Variants in SH3BGRL2 observed in about 807,000 individuals in gnomAD.
The protein encoded by SH3BGRL2 is SH3 domain binding glutamate rich protein like 2, also known as SH3 domain-binding glutamic acid-rich-like protein 2.
In SH3BGRL2, 21 loss-of-function variants were observed where a neutral mutation model predicts 14.8. That is an observed-to-expected ratio of 1.42 (90% CI 1.01 to 2.05). SH3BGRL2 has a LOEUF of 2.05. Ranked by LOEUF, SH3BGRL2 falls within the 30% of genes most tolerant of loss-of-function variation. SH3BGRL2 has a pLI of 0.00. For synonymous variants in SH3BGRL2, 50 were observed against 47.8 expected (o/e 1.05, Z -0.19); for missense variants, 147 against 130.8 (o/e 1.12, Z -0.61).
At chr6:79,571,251 C>T in the SH3BGRL2 span, among the ~76,000 whole-genome samples, 1 of 152,302 alleles carries the variant, frequency 6.6e-6, no homozygotes, top group African/African-American at 2.4e-5. Context: ...ATGAACGTCT[C>T]TCCTTTCTCC....
intron 2 of SH3BGRL2, among the ~76,000 whole-genome samples, chr6:79,677,953 A>G (rs1231413482): frequency 6.6e-6 from 1 of 152,222 alleles, no homozygotes; most frequent in Non-Finnish European, 1.5e-5. Flanking sequence ...CTCATGGCCA[A>G]GGTTTTAACC....
the SH3BGRL2 span, chr6:79,574,259 C>T: frequency 6.6e-6 from 1 of 152,100 alleles, no homozygotes; most frequent in Non-Finnish European, 1.5e-5. Context: ...TGGTTTTAGC[C>T]TTCCACAGGT....
At chr6:79,696,413 T>G (rs1770332893) in intron 2 of SH3BGRL2, 72 bp from the exon 3 acceptor site, 1 of 1,137,382 alleles carries the variant, frequency 8.8e-7, no homozygotes, top group Non-Finnish European at 1.3e-6. Flanking sequence ...ATAAAGAATT[T>G]GTTCAAAGTA....
the SH3BGRL2 span, among the ~76,000 whole-genome samples, chr6:79,570,470 A>C: frequency 6.6e-6 from 1 of 152,218 alleles, no homozygotes; most frequent in Non-Finnish European, 1.5e-5. Context: ...ACTCACAGAA[A>C]TATAAAAGGT....
chr6:79,597,230 A>T, the SH3BGRL2 span, among the ~76,000 whole-genome samples: 1 of 88 alleles, frequency 0.011, no homozygotes, highest in South Asian at 0.5. Context: ...CTCTGTCAAC[A>T]AAAAAAAAGA....
intron 2 of SH3BGRL2, among the ~76,000 whole-genome samples, chr6:79,686,538 T>C (rs1396247748): frequency 6.6e-6 from 1 of 152,192 alleles, no homozygotes; most frequent in Admixed American, 6.5e-5. Context: ...TTTATTCTTT[T>C]TATCTACTTT....
rs746924000 is a variant in SH3BGRL2 at position 79,631,450 on chromosome 6, C to T, written c.-12C>T. 2.0e-5 allele frequency: 30 copies of T among 1,520,514 alleles called. 1 individual carries two copies. In the South Asian group the frequency reaches 3.3e-4, roughly 17 times the overall value. The allele number at this position is 1,520,514 out of a possible 1,614,324, so 94.2% of individuals were successfully genotyped here. A position where few individuals can be genotyped will look rare whatever the true frequency, so the allele number is the denominator to read the frequency against. Reference sequence around the variant, plus strand: ...CGGGGGGCAAGGGGTCTGTCCCGGGCGCAGCGAGAGGATGGTCATCCGCGT... The same window carrying T: ...CGGGGGGCAAGGGGTCTGTCCCGGGTGCAGCGAGAGGATGGTCATCCGCGT... On this transcript the variant is annotated 5_prime_UTR_variant, in exon 1 of 4. Coordinates refer to ENST00000369838, the MANE Select transcript of SH3BGRL2 (RefSeq NM_031469.4).
chr6:79,604,544 T>C, the SH3BGRL2 span, among the ~76,000 whole-genome samples: 2 of 152,222 alleles, frequency 1.3e-5, no homozygotes, highest in East Asian at 3.9e-4. Flanking sequence ...GAAGACTGCA[T>C]GGACTCCTAA....
chr6:79,556,454 A>C, the SH3BGRL2 span, among the ~76,000 whole-genome samples: 3 of 152,142 alleles, frequency 2.0e-5, no homozygotes, highest in African/African-American at 7.2e-5. Flanking sequence ...TATCAACATC[A>C]AAGCAGATCC....
intron 1 of SH3BGRL2, among the ~76,000 whole-genome samples, chr6:79,642,985 CAGG>C (rs1205480137): frequency 6.6e-6 from 1 of 151,986 alleles, no homozygotes; most frequent in African/African-American, 2.4e-5. Flanking sequence ...ATGTGGGAGA[CAGG>C]AGAAGGAAAA....
In SH3BGRL2 at chr6:79,688,207, A is replaced by C. The variant is rs955064304; in HGVS notation, c.232-8278A>C. Among the ~76,000 whole-genome samples, 4 of 151,244 alleles carry C rather than the reference A, an allele frequency of 2.6e-5. No individual in the cohort carries two copies. The South Asian group carries it at 8.3e-4, about 31-fold the overall frequency. On this transcript the variant is annotated intron_variant, in intron 2 of 3. Coordinates refer to ENST00000369838, the MANE Select transcript of SH3BGRL2 (RefSeq NM_031469.4). ...TAGGTGATGAGAGATTTAAAAAAAAAAAAACAAAAACAAAAAACCACAACT... is the reference window on the plus strand; with the variant it reads ...TAGGTGATGAGAGATTTAAAAAAAACAAAACAAAAACAAAAAACCACAACT...
chr6:79,576,557 C>CT, the SH3BGRL2 span, among the ~76,000 whole-genome samples: 1 of 151,998 alleles, frequency 6.6e-6, no homozygotes, highest in Non-Finnish European at 1.5e-5. Flanking sequence ...TTTTCTTGAC[C>CT]TTTTTAAAGA....
chr6:79,679,779 T>A (rs1409164286), intron 2 of SH3BGRL2, among the ~76,000 whole-genome samples: 1 of 152,166 alleles, frequency 6.6e-6, no homozygotes, highest in African/African-American at 2.4e-5. Flanking sequence ...TCTACTCTAA[T>A]GAGTGTGAGT....
chr6:79,555,514 CTGTT>C, the SH3BGRL2 span, among the ~76,000 whole-genome samples: 6 of 152,196 alleles, frequency 3.9e-5, no homozygotes, highest in Middle Eastern at 3.4e-3. Context: ...AACTGACAAA[CTGTT>C]TGTTTTGTTT....
At chr6:79,607,138 G>A in the SH3BGRL2 span, among the ~76,000 whole-genome samples, 23,734 of 152,078 alleles carry the variant, frequency 0.16, 2,088 homozygotes, top group South Asian at 0.22. Flanking sequence ...GTTTGGTTCC[G>A]AGGTCATTGT....
At chr6:79,570,913 A>G in the SH3BGRL2 span, among the ~76,000 whole-genome samples, 2 of 152,220 alleles carry the variant, frequency 1.3e-5, no homozygotes, top group Admixed American at 6.5e-5. Context: ...ACGAATATGA[A>G]TGTAATTATA....
chr6:79,556,906 A>G, the SH3BGRL2 span, among the ~76,000 whole-genome samples: 4 of 152,010 alleles, frequency 2.6e-5, no homozygotes, highest in Non-Finnish European at 4.4e-5. Context: ...TCTTTGGATA[A>G]TGGAATATGG....
chr6:79,610,289 ACTTTT>A, the SH3BGRL2 span, among the ~76,000 whole-genome samples: 2 of 152,280 alleles, frequency 1.3e-5, no homozygotes, highest in African/African-American at 2.4e-5. Context: ...TCTCAGTCAT[ACTTTT>A]CTTTTCATTC....
the SH3BGRL2 span, among the ~76,000 whole-genome samples, chr6:79,597,341 GAAAA>G: frequency 1.5e-5 from 2 of 135,992 alleles, no homozygotes; most frequent in Non-Finnish European, 3.3e-5. Flanking sequence ...AAAGAAAAAA[GAAAA>G]GAAAGAGGAA....
Sources: gnomAD v4.1 joint callset for allele counts (sites outside exome capture counted in the v4.1 genomes callset) on GRCh38, gnomAD v4.1.1 for gene constraint, MANE v1.5 for transcripts, NCBI Gene and HGNC (gene_info 2026-07-23, HGNC 2026-07-21) for gene names.